The following AIFM2 variants were observed in gnomAD, a reference collection of about 807,000 sequenced individuals.
AIFM2 encodes the protein ferroptosis suppressor protein 1.
Under a neutral mutation model 35.7 loss-of-function variants are expected in AIFM2, and 38 were observed. That is an observed-to-expected ratio of 1.06 (90% confidence interval 0.82 to 1.39). The LOEUF (loss-of-function observed/expected upper bound fraction) is 1.39. AIFM2 is among the 40% of genes most tolerant of loss of function. The pLI, the probability that AIFM2 is intolerant of heterozygous loss-of-function variation, is 0.00. For missense variants in AIFM2, 476 were observed against 491.2 expected (o/e 0.97, Z 0.29); for synonymous variants, 185 against 203.5 (o/e 0.91, Z 0.77).
chr10:70,125,283 A>C, intron 1 of AIFM2, among the ~76,000 whole-genome samples: 1 of 152,118 alleles, frequency 6.6e-6, no homozygotes, highest in African/African-American at 2.4e-5. Context: ...ATATGCTACA[A>C]TGCCTGGCTA....
rs529569381 is a variant in AIFM2, at chr10:70,121,657, T to C, written c.295-446A>G. 9.2e-5 allele frequency among the ~76,000 whole-genome samples: 14 copies of C among 151,636 alleles called. No homozygotes were observed. The South Asian group carries it at 2.9e-3, about 31-fold the overall frequency. On this transcript the variant is annotated intron_variant, in intron 3 of 8. Coordinates refer to ENST00000307864, the MANE Select transcript of AIFM2 (RefSeq NM_032797.6). Reference sequence around the variant, plus strand: ...AAGACTGATCAGTAGTGGCATCACATCTGTGAACAGCCACTGCACTGAGCA... The same window carrying C: ...AAGACTGATCAGTAGTGGCATCACACCTGTGAACAGCCACTGCACTGAGCA...
chr10:70,124,988 T>C (rs2072549434), intron 1 of AIFM2, among the ~76,000 whole-genome samples: 1 of 152,136 alleles, frequency 6.6e-6, no homozygotes, highest in South Asian at 2.1e-4. Flanking sequence ...CATGAATGGA[T>C]TAATACCAAT....
chr10:70,120,751 C>T, intron 4 of AIFM2, 152 bp from the exon 5 acceptor site: 2 of 844,076 alleles, frequency 2.4e-6, no homozygotes, highest in South Asian at 1.5e-5. Context: ...TCCTCCCACC[C>T]ACCTCGCAGA....
At chr10:70,123,640 G>A in intron 2 of AIFM2, 120 bp from the exon 3 acceptor site, 1 of 931,368 alleles carries the variant, frequency 1.1e-6, no homozygotes, top group Non-Finnish European at 1.6e-6. Flanking sequence ...CAAAGCGTCG[G>A]GCCATTAGGT....
At position 70,117,442 on chromosome 10, in the gene AIFM2, T is replaced by C. The variant is rs1401551265; in HGVS notation, c.616+370A>G. ...CTCAAAACATAAACCAATAAACCTA[T>C]TCCCTCAACCACAGAGACATCCTAT... On this transcript the variant is annotated intron_variant, in intron 6 of 8. Transcript: ENST00000307864. This position sits in a 1 kb window ranked among gnomAD's most constrained non-coding sequence, Gnocchi z 4.7. 6.6e-6 allele frequency among the ~76,000 whole-genome samples: 1 copy of C among 152,154 alleles called. No homozygotes were observed. The highest frequency in any genetic ancestry group is 6.5e-5 in the Admixed American group (1 of 15,284).
chr10:70,116,809 G>C, intron 6 of AIFM2, 35 bp from the exon 7 acceptor site: 2 of 1,610,234 alleles, frequency 1.2e-6, no homozygotes, highest in African/African-American at 2.7e-5. Flanking sequence ...GGCTGGTGGG[G>C]ACAGGGACCC....
rs1382235764 is a variant in AIFM2 at position 70,131,748 on chromosome 10, AC to A, written c.-14+985del. On this transcript the variant is annotated intron_variant, in intron 1 of 8. Transcript: ENST00000307864. The surrounding 1 kb of genome is among the most constrained non-coding windows in gnomAD (Gnocchi z 4.1). ...AGGTAGTGCTAAGCCTGCCCAGCCC[AC>A]CCTGGCTGGGGCTCAGTGCCCTCTT... Among the ~76,000 whole-genome samples the A allele has an allele frequency of 6.6e-6, 1 of 151,888 alleles. No individual in the cohort carries two copies. The highest frequency in any genetic ancestry group is 1.5e-5 in the Non-Finnish European group (1 of 67,976).
rs1325006565 is a variant in AIFM2 at position 70,123,967 on chromosome 10, C to A, written c.118G>T (p.Val40Leu). 1 of 1,612,000 alleles carries A rather than the reference C, an allele frequency of 6.2e-7. No individual in the cohort carries two copies. The highest frequency in any genetic ancestry group is 1.3e-5 in the African/African-American group (1 of 74,810). Residue 40 changes from valine (V) to leucine (L), a missense_variant, in exon 2 of 9, where the codon GTG becomes TTG. By Grantham distance (32) the Val-to-Leu change is conservative. Coordinates refer to ENST00000307864, the MANE Select transcript of AIFM2 (RefSeq NM_032797.6). ...LQALNVPFML[V>L]DMKDSFHHNV... ...TGGTGGAAGGAGTCCTTCATGTCCA[C>A]CAGCATGAAGGGGACGTTCAGGGCC...
In AIFM2 at chr10:70,118,067, C is replaced by A. The variant is rs1456780110; in HGVS notation, c.508-147G>T. ...AGAAGTAATCTGTCCAATGCCAGGA[C>A]CAATTAGTGGTGAGCTGGGCTTAAG... is the stretch of plus-strand genomic sequence containing the variant. On this transcript the variant is annotated intron_variant, in intron 5 of 8. Coordinates refer to ENST00000307864, the MANE Select transcript of AIFM2 (RefSeq NM_032797.6). 2.9e-5 allele frequency: 18 copies of A among 623,116 alleles called. No individual in the cohort carries two copies. In the East Asian group the frequency reaches 5.3e-4, roughly 18 times the overall value. 38.6% of individuals were successfully genotyped at this position (623,116 alleles called of 1,614,324 possible).
intron 1 of AIFM2, among the ~76,000 whole-genome samples, chr10:70,128,348 G>C (rs1347772767): frequency 1.3e-5 from 2 of 151,922 alleles, no homozygotes; most frequent in Non-Finnish European, 1.5e-5. Flanking sequence ...TTTTTAAAGG[G>C]TGAGTGATGT....
At chr10:70,127,100 CT>C (rs1475148254) in intron 1 of AIFM2, among the ~76,000 whole-genome samples, 6 of 152,240 alleles carry the variant, frequency 3.9e-5, no homozygotes, top group Non-Finnish European at 7.3e-5. Flanking sequence ...ACACCAGGAG[CT>C]GCGCAGGGCC....
Position 70,114,111 on chromosome 10 carries a change from C to T in AIFM2, c.*67G>A, listed in dbSNP as rs1238420785. 1.7e-5 allele frequency: 26 copies of T among 1,534,566 alleles called. No homozygotes were observed. Among genetic ancestry groups the T allele is most frequent in the African/African-American group, 8.3e-5 (6 of 72,094 alleles). On this transcript the variant is annotated 3_prime_UTR_variant, in exon 9 of 9. Coordinates refer to ENST00000307864, the MANE Select transcript of AIFM2 (RefSeq NM_032797.6). ...AGCATTAGTTCTAGCACTTGCCAGG[C>T]GGGTGCCATGCGCCAAGCAGTCCGT...
chr10:70,116,110 G>A (rs2072432539), intron 7 of AIFM2, among the ~76,000 whole-genome samples: 1 of 152,162 alleles, frequency 6.6e-6, no homozygotes, highest in South Asian at 2.1e-4. Flanking sequence ...GCTCACAAAT[G>A]GAGGCTTAAA....
intron 3 of AIFM2, among the ~76,000 whole-genome samples, chr10:70,123,043 T>A (rs1446778565): frequency 6.6e-6 from 1 of 152,194 alleles, no homozygotes; most frequent in African/African-American, 2.4e-5. Context: ...TTTTATTTTT[T>A]GAGATGGAGT....
chr10:70,115,305 CT>C lies in AIFM2; in HGVS notation c.770-186del, dbSNP rs559050253. ...ACCCTCCCACCTAATGTATTCCCCCCTGAAGTCTCTACCTCACAACTCTTCC... is the reference window on the plus strand; with the variant it reads ...ACCCTCCCACCTAATGTATTCCCCCCGAAGTCTCTACCTCACAACTCTTCC... On this transcript the variant is annotated intron_variant, in intron 7 of 8. Transcript: ENST00000307864. Among the ~76,000 whole-genome samples, 1,379 of 152,200 alleles carry C rather than the reference CT, an allele frequency of 9.1e-3. 16 individuals carry two copies. The highest frequency in any genetic ancestry group is 0.032 in the African/African-American group (1,318 of 41,532).
chr10:70,121,451 C>T (rs911923549), intron 3 of AIFM2, among the ~76,000 whole-genome samples: 9 of 152,144 alleles, frequency 5.9e-5, no homozygotes, highest in South Asian at 2.1e-4. Context: ...AGTTTACCTC[C>T]GCGTGGAGAA....
At chr10:70,120,627 A>G in intron 4 of AIFM2, 28 bp from the exon 5 acceptor site, 1 of 1,610,858 alleles carries the variant, frequency 6.2e-7, no homozygotes, top group Non-Finnish European at 8.5e-7. Context: ...TGAAACAGGG[A>G]CATATGAAAC....
At chr10:70,114,354 C>G in intron 8 of AIFM2, 25 bp from the exon 9 acceptor site, 1 of 1,613,680 alleles carries the variant, frequency 6.2e-7, no homozygotes. Context: ...ACAGAAACAA[C>G]CAGAACCTCA....
rs891734040 is a variant in AIFM2, at chr10:70,123,830, C to T, written c.178+77G>A. The T allele has an allele frequency of 4.2e-6, 6 of 1,419,088 alleles. No individual in the cohort carries two copies. The Middle Eastern group carries it at 7.8e-4, about 185-fold the overall frequency. The allele number at this position is 1,419,088 out of a possible 1,614,324, so 87.9% of individuals were successfully genotyped here. A position where few individuals can be genotyped will look rare whatever the true frequency, so the allele number is the denominator to read the frequency against. On this transcript the variant is annotated intron_variant, in intron 2 of 8. Coordinates refer to ENST00000307864, the MANE Select transcript of AIFM2 (RefSeq NM_032797.6). ...CTTGGCCCTAAATGGAGAAAACCACCCCCAGCCCTAAAATCAAGCCCCAGA... is the reference window on the plus strand; with the variant it reads ...CTTGGCCCTAAATGGAGAAAACCACTCCCAGCCCTAAAATCAAGCCCCAGA...
Sources: gnomAD v4.1 joint callset for allele counts (sites outside exome capture counted in the v4.1 genomes callset) on GRCh38, gnomAD v4.1.1 for gene constraint, Gnocchi (gnomAD v3.1) non-coding constraint, MANE v1.5 for transcripts, NCBI Gene and HGNC (gene_info 2026-07-23, HGNC 2026-07-21) for gene names.